Variants in GOLPH3 observed in about 807,000 individuals in gnomAD.
GOLPH3 encodes the protein golgi phosphoprotein 3.
Under a neutral mutation model 28.5 loss-of-function variants are expected in GOLPH3, and 14 were observed. The ratio of observed to expected loss-of-function variants is 0.49; its 90% CI spans 0.32 to 0.77. The LOEUF (loss-of-function observed/expected upper bound fraction) is 0.77. GOLPH3 is among the 30% of genes least tolerant of loss of function. The pLI, the probability that GOLPH3 is intolerant of heterozygous loss-of-function variation, is 0.03. For missense variants in GOLPH3, 350 were observed against 393.7 expected, an observed-to-expected ratio of 0.89 and a Z score of 0.94; for synonymous variants, 158 against 159.2, an observed-to-expected ratio of 0.99 and a Z score of 0.06.
At chr5:32,159,657 A>G (rs1281566513) in intron 1 of GOLPH3, among the ~76,000 whole-genome samples, 1 of 152,260 alleles carries the variant, frequency 6.6e-6, no homozygotes, top group Non-Finnish European at 1.5e-5. Flanking sequence ...TATAAGCTAC[A>G]GTCTTTATTC....
At chr5:32,167,350 T>C (rs1469435027) in intron 1 of GOLPH3, among the ~76,000 whole-genome samples, 1 of 152,120 alleles carries the variant, frequency 6.6e-6, no homozygotes, top group Non-Finnish European at 1.5e-5. Flanking sequence ...TTTTATATTT[T>C]TAATAGAGAC....
At chr5:32,139,854 AATCTAAAAGAAGGTATTAC>A (rs1158310707) in intron 2 of GOLPH3, among the ~76,000 whole-genome samples, 2 of 152,196 alleles carry the variant, frequency 1.3e-5, no homozygotes, top group Non-Finnish European at 2.9e-5. Flanking sequence ...TACCCTCAGA[AATCTAAAAGAAGGTATTAC>A]ATCCATAAAA....
In GOLPH3 at chr5:32,135,421, T is replaced by C. The variant is rs183068179; in HGVS notation, c.472+151A>G. ...AGAGAATGAAATTTTATAAAAACCA[T>C]TACTTCCCCACTCTATGACTGATAA... On this transcript the variant is annotated intron_variant, in intron 3 of 3. Transcript: ENST00000265070. 5.0e-6 allele frequency: 3 copies of C among 595,772 alleles called. No homozygotes were observed. The East Asian group carries it at 8.4e-5, about 17-fold the overall frequency. 36.9% of individuals were successfully genotyped at this position (595,772 alleles called of 1,614,324 possible).
chr5:32,137,906 TTTG>T (rs1237567683), intron 2 of GOLPH3, among the ~76,000 whole-genome samples: 493 of 6,854 alleles, frequency 0.072, 4 homozygotes, highest in Admixed American at 0.36. Context: ...TACGGTTTTT[TTTG>T]TTTTTTTTTT....
At chr5:32,171,877 G>A (rs143851826) in intron 1 of GOLPH3, among the ~76,000 whole-genome samples, 1 of 152,022 alleles carries the variant, frequency 6.6e-6, no homozygotes, top group Non-Finnish European at 1.5e-5. Flanking sequence ...GAACCCGGGA[G>A]GGGGAGGTTG....
At chr5:32,127,335 A>G (rs1442992552) in intron 3 of GOLPH3, among the ~76,000 whole-genome samples, 1 of 152,208 alleles carries the variant, frequency 6.6e-6, no homozygotes, top group Non-Finnish European at 1.5e-5. Context: ...TGCTTTCTGC[A>G]TTTTCCAAAT....
At chr5:32,173,460 T>C (rs1443776497) in intron 1 of GOLPH3, among the ~76,000 whole-genome samples, 2 of 152,032 alleles carry the variant, frequency 1.3e-5, no homozygotes, top group African/African-American at 4.8e-5. Context: ...TCCCGGGCAG[T>C]CTCCGGGTTG....
At chr5:32,170,420 G>C (rs543956022) in intron 1 of GOLPH3, among the ~76,000 whole-genome samples, 1 of 152,260 alleles carries the variant, frequency 6.6e-6, no homozygotes, top group East Asian at 1.9e-4. Flanking sequence ...TTAATGATTT[G>C]CTTAAATGTA....
At chr5:32,164,527 G>A (rs1159376807) in intron 1 of GOLPH3, among the ~76,000 whole-genome samples, 1 of 151,860 alleles carries the variant, frequency 6.6e-6, no homozygotes, top group Non-Finnish European at 1.5e-5. Flanking sequence ...CCGAGTAGCT[G>A]GGACTACAGG....
chr5:32,130,139 C>A (rs115569426), intron 3 of GOLPH3, among the ~76,000 whole-genome samples: 1,847 of 152,270 alleles, frequency 0.012, 43 homozygotes, highest in African/African-American at 0.043. Context: ...CCGCACCCAG[C>A]CACTTCCATT....
intron 1 of GOLPH3, among the ~76,000 whole-genome samples, chr5:32,172,933 GTATA>G (rs1746876359): frequency 1.3e-5 from 2 of 152,316 alleles, no homozygotes; most frequent in Admixed American, 6.5e-5. Flanking sequence ...TCTAGAAAGA[GTATA>G]TATGCATATG....
chr5:32,125,838 G>A lies in GOLPH3; in HGVS notation c.*374C>T, dbSNP rs1417653946. ...TTTTGTGACTTCTGTCTGAACTGTA[G>A]GCAGAATGCTAGATGTACATGCACA... On this transcript the variant is annotated 3_prime_UTR_variant, in exon 4 of 4. Coordinates refer to ENST00000265070, the MANE Select transcript of GOLPH3 (RefSeq NM_022130.4). The A allele has an allele frequency of 1.1e-5, 2 of 179,150 alleles. No individual in the cohort carries two copies. The highest frequency in any genetic ancestry group is 2.3e-5 in the Non-Finnish European group (2 of 85,222). 11.1% of individuals were successfully genotyped at this position (179,150 alleles called of 1,614,324 possible).
chr5:32,133,183 T>G (rs1367014645), intron 3 of GOLPH3, among the ~76,000 whole-genome samples: 1 of 152,242 alleles, frequency 6.6e-6, no homozygotes, highest in Non-Finnish European at 1.5e-5. Flanking sequence ...TTCTCATCTT[T>G]TCACTGCTTA....
chr5:32,172,441 A>C (rs990834384), intron 1 of GOLPH3, among the ~76,000 whole-genome samples: 5 of 151,182 alleles, frequency 3.3e-5, no homozygotes, highest in African/African-American at 4.9e-5. Flanking sequence ...TCAAGCTTGT[A>C]ATTTCAGCAC....
intron 1 of GOLPH3, among the ~76,000 whole-genome samples, chr5:32,153,084 A>C (rs1214530014): frequency 1.3e-5 from 2 of 152,250 alleles, no homozygotes; most frequent in African/African-American, 2.4e-5. Flanking sequence ...TAAATCCATC[A>C]ATAAGGGACT....
chr5:32,131,519 T>A (rs2111837923), intron 3 of GOLPH3, among the ~76,000 whole-genome samples: 1 of 152,354 alleles, frequency 6.6e-6, no homozygotes, highest in Admixed American at 6.5e-5. Context: ...TTGAAATAAA[T>A]GCTTGATAAA....
At chr5:32,150,294 T>C (rs1746275158) in intron 1 of GOLPH3, among the ~76,000 whole-genome samples, 2 of 151,978 alleles carry the variant, frequency 1.3e-5, no homozygotes, top group Non-Finnish European at 2.9e-5. Flanking sequence ...TAGAAAGATA[T>C]TTCATTCTTA....
chr5:32,128,484 C>T (rs949770225), intron 3 of GOLPH3, among the ~76,000 whole-genome samples: 1 of 152,040 alleles, frequency 6.6e-6, no homozygotes, highest in South Asian at 2.1e-4. Context: ...ATGGTGAAAC[C>T]CCATCTCTTC....
chr5:32,142,754 T>C (rs1305084850), intron 2 of GOLPH3, among the ~76,000 whole-genome samples: 1 of 139,462 alleles, frequency 7.2e-6, no homozygotes, highest in African/African-American at 2.8e-5. Flanking sequence ...GAGGGGCGCC[T>C]CTGCCCGGCC....
Sources: allele counts gnomAD v4.1 joint callset (sites outside exome capture counted in the v4.1 genomes callset), GRCh38; gene constraint gnomAD v4.1.1; transcripts MANE v1.5; gene names NCBI Gene and HGNC (gene_info 2026-07-23, HGNC 2026-07-21).